The following LPGAT1 variants were observed in gnomAD, a reference collection of about 807,000 sequenced individuals.
LPGAT1 encodes the protein acyl-CoA:lysophosphatidylglycerol acyltransferase 1.
LPGAT1 carries 11 observed loss-of-function variants against 47.5 expected under a neutral mutation model. The ratio of observed to expected loss-of-function variants is 0.23; its 90% CI spans 0.15 to 0.38. LPGAT1 has a LOEUF of 0.38. LPGAT1 is among the 10% of genes least tolerant of loss of function. The pLI is 1.00. For synonymous variants in LPGAT1, 138 were observed against 144.2 expected (o/e 0.96, Z 0.31); for missense variants, 293 against 439.0 (o/e 0.67, Z 2.97).
intron 2 of LPGAT1, among the ~76,000 whole-genome samples, chr1:211,825,603 G>A (rs1355062520): frequency 1.3e-5 from 2 of 152,040 alleles, no homozygotes; most frequent in African/African-American, 2.4e-5. Context: ...GAAATATTAA[G>A]ACAAAGGCAA....
intron 2 of LPGAT1, among the ~76,000 whole-genome samples, chr1:211,799,773 A>C (rs1482515083): frequency 6.6e-6 from 1 of 152,210 alleles, no homozygotes; most frequent in Non-Finnish European, 1.5e-5. Context: ...TCTAAGAAAA[A>C]AAATCAACAT....
chr1:211,824,792 C>T (rs1005381749), intron 2 of LPGAT1, among the ~76,000 whole-genome samples: 2 of 152,160 alleles, frequency 1.3e-5, no homozygotes, highest in Non-Finnish European at 2.9e-5. Context: ...ACATTGCTCT[C>T]GAAATACATT....
intron 6 of LPGAT1, among the ~76,000 whole-genome samples, chr1:211,765,143 C>A (rs1657854393): frequency 6.6e-6 from 1 of 152,206 alleles, no homozygotes; most frequent in Non-Finnish European, 1.5e-5. Flanking sequence ...ATCACTATTA[C>A]ACTTTCCATG....
chr1:211,778,873 G>A, intron 6 of LPGAT1, 45 bp downstream of exon 6: 2 of 1,422,686 alleles, frequency 1.4e-6, no homozygotes, highest in Non-Finnish European at 9.4e-7. Context: ...CTATTCTGAG[G>A]TAGTATTGTT....
intron 3 of LPGAT1, chr1:211,792,121 T>C (rs1659148057): frequency 1.3e-5 from 2 of 151,564 alleles, no homozygotes; most frequent in African/African-American, 4.8e-5. Flanking sequence ...AGAGATGGGG[T>C]CTTGCTGTGC....
intron 6 of LPGAT1, among the ~76,000 whole-genome samples, chr1:211,751,464 T>C (rs914829833): frequency 3.9e-5 from 6 of 152,220 alleles, no homozygotes; most frequent in African/African-American, 1.4e-4. Context: ...TTTAGTTAAA[T>C]GTCAGGCAAT....
At chr1:211,794,145 A>C (rs903600577) in intron 2 of LPGAT1, among the ~76,000 whole-genome samples, 15 of 152,244 alleles carry the variant, frequency 9.9e-5, no homozygotes, top group African/African-American at 3.6e-4. Context: ...ATTCAGACAT[A>C]ATAATGCATA....
At position 211,814,958 on chromosome 1, in the gene LPGAT1, C is replaced by A. The variant is rs553367477; in HGVS notation, c.238+14101G>T. Reference sequence around the variant, plus strand: ...TTCAGCGGGTCCCTGCATTGAAACACTGTGGACTTCTGTGACCCCACACTC... The same window carrying A: ...TTCAGCGGGTCCCTGCATTGAAACAATGTGGACTTCTGTGACCCCACACTC... On this transcript the variant is annotated intron_variant, in intron 2 of 7. Transcript: ENST00000366997. Among the ~76,000 whole-genome samples, 4 of 152,336 alleles carry A rather than the reference C, an allele frequency of 2.6e-5. No individual in the cohort carries two copies. The East Asian group carries it at 7.7e-4, about 29-fold the overall frequency.
In LPGAT1 at chr1:211,827,485, C is replaced by T. The variant is rs1356516527; in HGVS notation, c.238+1574G>A. ...CTAACAATTAAATACACTATACACACGCACAAACATTTCAGTAATTTCATT... is the reference window on the plus strand; with the variant it reads ...CTAACAATTAAATACACTATACACATGCACAAACATTTCAGTAATTTCATT... On this transcript the variant is annotated intron_variant, in intron 2 of 7. Coordinates refer to ENST00000366997, the MANE Select transcript of LPGAT1 (RefSeq NM_014873.3). Among the ~76,000 whole-genome samples, 7 of 152,214 alleles carry T rather than the reference C, an allele frequency of 4.6e-5. No homozygotes were observed. The South Asian group carries it at 8.3e-4, about 18-fold the overall frequency.
chr1:211,801,332 A>T (rs556834051), intron 2 of LPGAT1, among the ~76,000 whole-genome samples: 2 of 152,304 alleles, frequency 1.3e-5, no homozygotes, highest in East Asian at 3.9e-4. Flanking sequence ...TGTAGTTCCT[A>T]GTCACTTTCC....
In LPGAT1 at chr1:211,745,578, C is replaced by G. The variant is rs1042954331; in HGVS notation, c.*4321G>C. The G allele has an allele frequency of 1.3e-5, 2 of 152,304 alleles. No individual in the cohort carries two copies. Among genetic ancestry groups the G allele is most frequent in the African/African-American group, 2.4e-5 (1 of 41,420 alleles). The allele number at this position is 152,304 out of a possible 1,614,324, so 9.4% of individuals were successfully genotyped here. A position where few individuals can be genotyped will look rare whatever the true frequency, so the allele number is the denominator to read the frequency against. ...CTTAAAAAAATATTAAATGTAAAAA[C>G]CCTCAGATGGAAATTTTGCAGAAAA... On this transcript the variant is annotated 3_prime_UTR_variant, in exon 8 of 8. Coordinates refer to ENST00000366997, the MANE Select transcript of LPGAT1 (RefSeq NM_014873.3).
At chr1:211,797,311 CTTTTTTTTT>C (rs200601647) in intron 2 of LPGAT1, among the ~76,000 whole-genome samples, 2 of 122,644 alleles carry the variant, frequency 1.6e-5, no homozygotes, top group East Asian at 4.7e-4. Flanking sequence ...CTTTCCTTTT[CTTTTTTTTT>C]TTTTTTTTTT....
chr1:211,828,060 C>T (rs1660595055), intron 2 of LPGAT1, among the ~76,000 whole-genome samples: 3 of 152,156 alleles, frequency 2.0e-5, no homozygotes. Flanking sequence ...AAGAGGGAGA[C>T]AGAATTTCAG....
chr1:211,768,851 GGT>G (rs60146950), intron 6 of LPGAT1, among the ~76,000 whole-genome samples: 1 of 152,304 alleles, frequency 6.6e-6, no homozygotes, highest in African/African-American at 2.4e-5. Context: ...AGGCAGTGAT[GGT>G]GATTTTCATA....
intron 2 of LPGAT1, among the ~76,000 whole-genome samples, chr1:211,825,364 T>C (rs1184519209): frequency 6.6e-6 from 1 of 151,912 alleles, no homozygotes; most frequent in African/African-American, 2.4e-5. Context: ...GCTAAGACTT[T>C]AATTAAATGT....
chr1:211,770,108 A>G (rs1319749560), intron 6 of LPGAT1, among the ~76,000 whole-genome samples: 1 of 152,178 alleles, frequency 6.6e-6, no homozygotes, highest in Admixed American at 6.5e-5. Context: ...AAAATAATAC[A>G]CAATATTTTA....
intron 2 of LPGAT1, among the ~76,000 whole-genome samples, chr1:211,821,332 C>T (rs1301756199): frequency 6.6e-6 from 1 of 152,146 alleles, no homozygotes; most frequent in Non-Finnish European, 1.5e-5. Context: ...CATCTTGTTC[C>T]CCTGAGCCCT....
At chr1:211,756,978 G>A (rs946055858) in intron 6 of LPGAT1, among the ~76,000 whole-genome samples, 1 of 150,084 alleles carries the variant, frequency 6.7e-6, no homozygotes, top group Non-Finnish European at 1.5e-5. Context: ...AAACTATCAC[G>A]CCAGGTGCGG....
At chr1:211,770,682 A>G (rs1658129343) in intron 6 of LPGAT1, among the ~76,000 whole-genome samples, 1 of 152,226 alleles carries the variant, frequency 6.6e-6, no homozygotes, top group South Asian at 2.1e-4. Flanking sequence ...CAGTGTTTAT[A>G]AAGTCTACAG....
Sources: gnomAD v4.1 joint callset for allele counts (sites outside exome capture counted in the v4.1 genomes callset) on GRCh38, gnomAD v4.1.1 for gene constraint, MANE v1.5 for transcripts, NCBI Gene and HGNC (gene_info 2026-07-23, HGNC 2026-07-21) for gene names.